ZNF618: variants seen among roughly 807,000 people sequenced by gnomAD.
ZNF618 encodes the protein neural precursor cell expressed, developmentally down-regulated 10.
Under a neutral mutation model 103.0 loss-of-function variants are expected in ZNF618, and 34 were observed. The ratio of observed to expected loss-of-function variants is 0.33; its 90% CI spans 0.25 to 0.44. The LOEUF (loss-of-function observed/expected upper bound fraction) is 0.44, where lower values mean the gene tolerates loss of function less well. Among genes scored for constraint, ZNF618 ranks in the 20% least tolerant of loss-of-function variants. The probability of loss-of-function intolerance (pLI) is 1.00; values close to 1 mark genes in which losing one functional copy is unlikely to be tolerated. For missense variants in ZNF618, 1,059 were observed against 1,295.4 expected, an observed-to-expected ratio of 0.82 and a Z score of 2.80; for synonymous variants, 551 against 542.2, an observed-to-expected ratio of 1.02 and a Z score of -0.23.
intron 10 of ZNF618, among the ~76,000 whole-genome samples, chr9:114,027,362 AG>A (rs1323743369): frequency 6.6e-6 from 1 of 152,122 alleles, no homozygotes; most frequent in Non-Finnish European, 1.5e-5. Flanking sequence ...CGGACAGATG[AG>A]GGCTTGTTTA....
intron 1 of ZNF618, among the ~76,000 whole-genome samples, chr9:113,887,484 G>C (rs1829187926): frequency 6.6e-6 from 1 of 152,170 alleles, no homozygotes; most frequent in Non-Finnish European, 1.5e-5. Context: ...GGTATTTTTG[G>C]ATCAGGTTGC....
intron 4 of ZNF618, 108 bp from the exon 5 acceptor site, chr9:114,001,888 T>C: frequency 1.1e-6 from 1 of 950,392 alleles, no homozygotes; most frequent in South Asian, 1.3e-5. Context: ...GGACCATCTC[T>C]GCCCCTGGGA....
Position 113,928,854 on chromosome 9 carries a change from G to T in ZNF618, c.34-40263G>T, listed in dbSNP as rs1833325709. Among the ~76,000 whole-genome samples the T allele has an allele frequency of 2.0e-5, 3 of 152,068 alleles. No individual in the cohort carries two copies. The South Asian group carries it at 6.2e-4, about 32-fold the overall frequency. ...TTTTTAAGTGGGCCTGCATCCCTGG[G>T]CTGTGATCTTCAGAAAAATTTCATA... On this transcript the variant is annotated intron_variant, in intron 1 of 14. Coordinates refer to ENST00000374126, the MANE Select transcript of ZNF618 (RefSeq NM_001318042.2).
At chr9:114,010,618 C>T (rs184739642) in intron 9 of ZNF618, among the ~76,000 whole-genome samples, 63 of 152,218 alleles carry the variant, frequency 4.1e-4, no homozygotes, top group African/African-American at 8.4e-4. Flanking sequence ...GCAGGAGAAT[C>T]GCTTGAACCC....
chr9:113,877,570 C>T (rs1295318646), intron 1 of ZNF618, among the ~76,000 whole-genome samples: 1 of 151,044 alleles, frequency 6.6e-6, no homozygotes, highest in African/African-American at 2.4e-5. Flanking sequence ...GCATTTAAAT[C>T]CTAAGATTCT....
At chr9:114,000,260 C>G (rs1340894008) in intron 4 of ZNF618, among the ~76,000 whole-genome samples, 2 of 152,164 alleles carry the variant, frequency 1.3e-5, no homozygotes, top group East Asian at 3.9e-4. Context: ...ATACAGACCT[C>G]AGTCATGAAT....
intron 2 of ZNF618, among the ~76,000 whole-genome samples, chr9:113,972,682 G>A (rs1838084567): frequency 1.3e-5 from 2 of 152,160 alleles, no homozygotes; most frequent in African/African-American, 4.8e-5. Context: ...ACTCTGTGAG[G>A]AAAACTAATC....
intron 1 of ZNF618, among the ~76,000 whole-genome samples, chr9:113,919,932 AT>A (rs1832484982): frequency 6.6e-6 from 1 of 152,224 alleles, no homozygotes; most frequent in Non-Finnish European, 1.5e-5. Flanking sequence ...TCACCTTCTT[AT>A]GCCATCCTCG....
chr9:113,900,329 TG>T, intron 1 of ZNF618, among the ~76,000 whole-genome samples: 1 of 152,202 alleles, frequency 6.6e-6, no homozygotes. Context: ...CCCAAAGTGC[TG>T]GGATTACAGG....
intron 6 of ZNF618, among the ~76,000 whole-genome samples, chr9:114,005,014 G>A (rs1289721311): frequency 6.6e-6 from 1 of 152,204 alleles, no homozygotes; most frequent in Non-Finnish European, 1.5e-5. Context: ...TGATATTTGT[G>A]ACAGTATTAG....
chr9:113,891,017 A>G (rs1048538578), intron 1 of ZNF618, among the ~76,000 whole-genome samples: 2 of 152,036 alleles, frequency 1.3e-5, no homozygotes, highest in Non-Finnish European at 2.9e-5. Context: ...TGACTTTGTT[A>G]TTTAGATTCC....
rs781170594 is a variant in ZNF618 at position 114,048,692 on chromosome 9, A to G, written c.1390A>G (p.Lys464Glu). 4.3e-6 allele frequency: 7 copies of G among 1,613,820 alleles called. No homozygotes were observed. In the South Asian group the frequency reaches 7.7e-5, roughly 18 times the overall value. The stretch of plus-strand genomic sequence containing the variant: ...AACACCCAACAGCATGATCCCCGAA[A>G]AGGAGCGGCAGAACATCGCAGAGCG... ...GLTPNSMIPE[K>E]ERQNIAERLL... The change falls in exon 15 of 15, where the codon AAG (lysine) becomes GAG (glutamate). Residue 464 changes from lysine (K) to glutamate (E), a missense_variant. By Grantham distance (56) the Lys-to-Glu change is moderately conservative. This residue lies in a region of ZNF618 where 434 missense variants were observed against 476.0 expected (regional missense o/e 0.91). Transcript: ENST00000374126.
At chr9:113,903,658 C>T (rs1161981977) in intron 1 of ZNF618, among the ~76,000 whole-genome samples, 1 of 151,976 alleles carries the variant, frequency 6.6e-6, no homozygotes, top group East Asian at 1.9e-4. Flanking sequence ...CTTTATTTTG[C>T]TTTTGTTTTT....
At chr9:114,020,440 C>A (rs1245042329) in intron 10 of ZNF618, among the ~76,000 whole-genome samples, 2 of 152,120 alleles carry the variant, frequency 1.3e-5, no homozygotes, top group African/African-American at 4.8e-5. Flanking sequence ...GTCTCCCAAT[C>A]CATGAACATG....
At chr9:113,903,794 CTGTTATTCTT>C (rs1259432574) in intron 1 of ZNF618, among the ~76,000 whole-genome samples, 1 of 151,966 alleles carries the variant, frequency 6.6e-6, no homozygotes, top group East Asian at 1.9e-4. Flanking sequence ...GGAAAGTTGG[CTGTTATTCTT>C]TGTTCCTCTG....
chr9:113,915,771 A>T (rs1433068731), intron 1 of ZNF618, among the ~76,000 whole-genome samples: 2 of 152,134 alleles, frequency 1.3e-5, no homozygotes, highest in Non-Finnish European at 2.9e-5. Flanking sequence ...ACAGATAGAC[A>T]GACAGACAGA....
At chr9:113,998,418 A>G in intron 4 of ZNF618, 64 bp downstream of exon 4, 1 of 1,429,548 alleles carries the variant, frequency 7.0e-7, no homozygotes, top group Non-Finnish European at 9.6e-7. Context: ...ACAGCTGGAC[A>G]CAGCCATCAG....
intron 4 of ZNF618, among the ~76,000 whole-genome samples, chr9:114,001,617 T>C (rs1033482272): frequency 4.6e-5 from 7 of 152,252 alleles, no homozygotes; most frequent in Middle Eastern, 3.2e-3. Context: ...TAGAAATTAT[T>C]GTAATGCGTT....
chr9:113,890,079 C>T (rs1010981998), intron 1 of ZNF618, among the ~76,000 whole-genome samples: 2 of 152,200 alleles, frequency 1.3e-5, no homozygotes, highest in Non-Finnish European at 2.9e-5. Flanking sequence ...TTCCTGACTA[C>T]CCTGTCTCTG....
Sources: gnomAD v4.1 joint callset for allele counts (sites outside exome capture counted in the v4.1 genomes callset) on GRCh38, gnomAD v4.1.1 for gene constraint, gnomAD v4.1.1 regional missense constraint, MANE v1.5 for transcripts, NCBI Gene and HGNC (gene_info 2026-07-23, HGNC 2026-07-21) for gene names.